The following BACH2 variants were observed in gnomAD, a reference collection of about 807,000 sequenced individuals.
The protein encoded by BACH2 is transcription regulator protein BACH2.
A neutral mutation model predicts 61.8 loss-of-function variants in BACH2; 5 were observed. The ratio of observed to expected loss-of-function variants is 0.08; its 90% confidence interval spans 0.04 to 0.17. The LOEUF (loss-of-function observed/expected upper bound fraction) is 0.17. BACH2 is among the 10% of genes least tolerant of loss of function. The probability of loss-of-function intolerance (pLI) is 1.00; values close to 1 mark genes in which losing one functional copy is unlikely to be tolerated. For missense variants in BACH2, 824 were observed against 1,091.1 expected, an observed-to-expected ratio of 0.76 and a Z score of 3.45; for synonymous variants, 446 against 440.1, an observed-to-expected ratio of 1.01 and a Z score of -0.17.
chr6:90,118,265 C>T (rs1783484200), intron 4 of BACH2, among the ~76,000 whole-genome samples: 1 of 152,204 alleles, frequency 6.6e-6, no homozygotes, highest in South Asian at 2.1e-4. Flanking sequence ...CTTCACACAG[C>T]TGACTTCTCT....
At chr6:90,075,055 G>C (rs930696671) in intron 5 of BACH2, among the ~76,000 whole-genome samples, 2 of 152,144 alleles carry the variant, frequency 1.3e-5, no homozygotes, top group African/African-American at 4.8e-5. Context: ...ACAGCATGCT[G>C]CATCAAGAGG....
intron 5 of BACH2, among the ~76,000 whole-genome samples, chr6:90,079,393 A>G (rs1781621664): frequency 6.6e-6 from 1 of 152,226 alleles, no homozygotes; most frequent in African/African-American, 2.4e-5. Context: ...ACAATAAGCC[A>G]AGAAGATGGA....
intron 5 of BACH2, among the ~76,000 whole-genome samples, chr6:90,018,529 T>G (rs1778189555): frequency 6.6e-6 from 1 of 152,198 alleles, no homozygotes. Context: ...TATAGTTGTT[T>G]TAGGAGAAAG....
chr6:89,999,612 A>G (rs924502790), intron 6 of BACH2, among the ~76,000 whole-genome samples: 1 of 152,206 alleles, frequency 6.6e-6, no homozygotes, highest in Non-Finnish European at 1.5e-5. Context: ...CGACAAAATA[A>G]TAGTTATGAT....
rs577541962 is a variant in BACH2, at chr6:89,928,954, C to G, written c.*3454G>C. The G allele has an allele frequency of 2.6e-5, 4 of 152,048 alleles. No homozygotes were observed. The highest frequency in any genetic ancestry group is 4.9e-5 in the African/African-American group (2 of 41,154). 9.4% of individuals were successfully genotyped at this position (152,048 alleles called of 1,614,324 possible). On this transcript the variant is annotated 3_prime_UTR_variant, in exon 9 of 9. Transcript: ENST00000257749. Reference sequence around the variant, plus strand: ...TTTTAATCAAGGCACCCCCAGGTAACGCAGAGAAACAAACACATACAGCAA... The same window carrying G: ...TTTTAATCAAGGCACCCCCAGGTAAGGCAGAGAAACAAACACATACAGCAA...
chr6:90,239,743 GT>G lies in BACH2; in HGVS notation c.-275+12769del, dbSNP rs76436906. On this transcript the variant is annotated intron_variant, in intron 3 of 8. Coordinates refer to ENST00000257749, the MANE Select transcript of BACH2 (RefSeq NM_021813.4). The stretch of plus-strand genomic sequence containing the variant: ...GATCAAAGGTCACGTTTGTTTTTCT[GT>G]TTTCCCCAAGCTCAGCACTGACATG... Among the ~76,000 whole-genome samples the G allele has an allele frequency of 0.025, 3,667 of 146,920 alleles. 400 individuals carry two copies. The East Asian group carries it at 0.36, about 14-fold the overall frequency.
chr6:90,203,231 C>T (rs10944480), intron 4 of BACH2, among the ~76,000 whole-genome samples: 47,677 of 150,010 alleles, frequency 0.32, 8,853 homozygotes, highest in Non-Finnish European at 0.42. Context: ...GGTAACATGG[C>T]GAAACCCCAT....
chr6:90,274,854 T>C (rs1359609255), intron 1 of BACH2, among the ~76,000 whole-genome samples: 1 of 152,180 alleles, frequency 6.6e-6, no homozygotes, highest in Non-Finnish European at 1.5e-5. Flanking sequence ...TTGCATCAAA[T>C]ACCTGGGGCA....
At chr6:90,098,720 A>G (rs1422272330) in intron 4 of BACH2, among the ~76,000 whole-genome samples, 1 of 152,196 alleles carries the variant, frequency 6.6e-6, no homozygotes, top group Admixed American at 6.5e-5. Context: ...CTCTTTGTCT[A>G]CAAGCCCCTG....
intron 1 of BACH2, among the ~76,000 whole-genome samples, chr6:90,283,282 TG>T (rs1405467872): frequency 1.3e-5 from 2 of 152,234 alleles, no homozygotes. Flanking sequence ...TTTACCACTT[TG>T]GGCTTGTTTT....
intron 3 of BACH2, among the ~76,000 whole-genome samples, chr6:90,214,707 G>C (rs984339335): frequency 1.3e-5 from 2 of 150,396 alleles, no homozygotes; most frequent in African/African-American, 4.9e-5. Context: ...TTGGCCTGAA[G>C]GTTCACTGTT....
At chr6:90,099,401 C>T (rs1304414259) in intron 4 of BACH2, among the ~76,000 whole-genome samples, 2 of 150,664 alleles carry the variant, frequency 1.3e-5, no homozygotes, top group Non-Finnish European at 2.9e-5. Context: ...TTTTTTTAGA[C>T]AGGGTCTTGC....
At chr6:89,986,998 G>C (rs184044501) in intron 6 of BACH2, among the ~76,000 whole-genome samples, 7 of 152,280 alleles carry the variant, frequency 4.6e-5, no homozygotes, top group Admixed American at 1.3e-4. Flanking sequence ...TCAAAGAGAA[G>C]TGTCTGGTGA....
chr6:90,254,767 A>G (rs1013789527), intron 2 of BACH2, among the ~76,000 whole-genome samples: 1 of 152,170 alleles, frequency 6.6e-6, no homozygotes, highest in African/African-American at 2.4e-5. Flanking sequence ...GATATATTCT[A>G]GCTGTATAAA....
intron 4 of BACH2, among the ~76,000 whole-genome samples, chr6:90,197,175 T>C (rs1017005176): frequency 6.6e-6 from 1 of 152,036 alleles, no homozygotes; most frequent in South Asian, 2.1e-4. Context: ...CAAAGGACAA[T>C]AGGAAGCTGG....
intron 5 of BACH2, among the ~76,000 whole-genome samples, chr6:90,009,149 TTTAAAACAC>T (rs71027918): frequency 0.14 from 21,099 of 152,206 alleles, 1,779 homozygotes; most frequent in Middle Eastern, 0.23. Flanking sequence ...ATTTAAAACA[TTTAAAACAC>T]ATTGGTATTT....
intron 3 of BACH2, among the ~76,000 whole-genome samples, chr6:90,223,812 C>G (rs62408219): frequency 0.09 from 13,684 of 152,108 alleles, 734 homozygotes; most frequent in South Asian, 0.15. Flanking sequence ...ATATGATTTA[C>G]TTCTGTGTCT....
At chr6:90,123,125 T>G (rs1783700442) in intron 4 of BACH2, among the ~76,000 whole-genome samples, 1 of 151,470 alleles carries the variant, frequency 6.6e-6, no homozygotes, top group Non-Finnish European at 1.5e-5. Flanking sequence ...GATGAAATCA[T>G]CCTGGATTAC....
At chr6:90,204,883 T>G (rs1285866437) in intron 4 of BACH2, among the ~76,000 whole-genome samples, 2 of 152,072 alleles carry the variant, frequency 1.3e-5, no homozygotes, top group East Asian at 3.9e-4. Context: ...TAAGCTGGGG[T>G]GGGGTTGAAG....
Sources: gnomAD v4.1 joint callset for allele counts (sites outside exome capture counted in the v4.1 genomes callset) on GRCh38, gnomAD v4.1.1 for gene constraint, MANE v1.5 for transcripts, NCBI Gene and HGNC (gene_info 2026-07-23, HGNC 2026-07-21) for gene names.